Variants in GLIS3 observed in about 807,000 individuals in gnomAD.
GLIS3 encodes GLIS family zinc finger 3, also known as zinc finger protein GLIS3.
GLIS3 carries 53 observed loss-of-function variants against 78.6 expected under a neutral mutation model. The observed-to-expected ratio is 0.67, with a 90% confidence interval of 0.54 to 0.85. GLIS3 has a LOEUF of 0.85. GLIS3 is among the 40% of genes least tolerant of loss of function. The pLI, the probability that GLIS3 is intolerant of heterozygous loss-of-function variation, is 0.00. For missense variants in GLIS3, 1,703 were observed against 1,231.1 expected, an observed-to-expected ratio of 1.38 and a Z score of -5.74; for synonymous variants, 684 against 509.9, an observed-to-expected ratio of 1.34 and a Z score of -4.60.
At chr9:4,182,286 G>A (rs1434009577) in intron 2 of GLIS3, among the ~76,000 whole-genome samples, 4 of 152,158 alleles carry the variant, frequency 2.6e-5, no homozygotes, top group Non-Finnish European at 2.9e-5. Context: ...TTCAGATGGG[G>A]CATGTATTCT....
intron 4 of GLIS3, among the ~76,000 whole-genome samples, chr9:4,050,142 T>C (rs1316264513): frequency 6.6e-6 from 1 of 151,426 alleles, no homozygotes; most frequent in Non-Finnish European, 1.5e-5. Context: ...TAAAGACACA[T>C]GCACACGTAT....
chr9:4,318,262 C>G lies in GLIS3; in HGVS notation n.265-7734G>C, dbSNP rs74930202. On this transcript the variant is annotated intron_variant and non_coding_transcript_variant, in intron 2 of 4. Transcript: ENST00000471664. The stretch of plus-strand genomic sequence containing the variant: ...GGAATTCGAGGGGCCAGGATGAACC[C>G]ACAAATTTAAAGAAATGTATATCTC... Among the ~76,000 whole-genome samples, 979 of 152,116 alleles carry G rather than the reference C, an allele frequency of 6.4e-3. 7 individuals carry two copies. The highest frequency in any genetic ancestry group is 9.2e-3 in the Non-Finnish European group (627 of 68,000).
At chr9:4,112,150 G>A (rs1053687495) in intron 4 of GLIS3, among the ~76,000 whole-genome samples, 18 of 152,114 alleles carry the variant, frequency 1.2e-4, no homozygotes, top group African/African-American at 4.1e-4. Flanking sequence ...ATGTATACAT[G>A]GTTCAGCACA....
chr9:3,935,154 G>T (rs978372331), intron 5 of GLIS3, among the ~76,000 whole-genome samples: 5 of 152,068 alleles, frequency 3.3e-5, no homozygotes, highest in Non-Finnish European at 5.9e-5. Context: ...AAGGGAACAA[G>T]GACCTAAATT....
intron 4 of GLIS3, among the ~76,000 whole-genome samples, chr9:4,062,804 C>T (rs1317752537): frequency 2.6e-5 from 4 of 152,064 alleles, no homozygotes; most frequent in Admixed American, 2.6e-4. Context: ...TGGCGGGCAC[C>T]TGTAGTCCCA....
At chr9:4,011,890 G>C (rs1822044520) in intron 4 of GLIS3, among the ~76,000 whole-genome samples, 1 of 152,014 alleles carries the variant, frequency 6.6e-6, no homozygotes, top group Admixed American at 6.5e-5. Flanking sequence ...TCTCTTTCCA[G>C]CACTGCTTTC....
At chr9:4,281,000 A>C (rs1158934032) in intron 2 of GLIS3, among the ~76,000 whole-genome samples, 1 of 152,238 alleles carries the variant, frequency 6.6e-6, no homozygotes, top group Non-Finnish European at 1.5e-5. Flanking sequence ...CCCCTAGGCC[A>C]AAAGAAACAC....
At chr9:4,206,517 C>T (rs527639537) in intron 2 of GLIS3, among the ~76,000 whole-genome samples, 36 of 152,320 alleles carry the variant, frequency 2.4e-4, no homozygotes, top group African/African-American at 8.4e-4. Context: ...GAAAATCCCA[C>T]ACAGCCTATG....
intron 2 of GLIS3, among the ~76,000 whole-genome samples, chr9:4,227,893 G>C (rs1339659638): frequency 1.3e-5 from 2 of 152,182 alleles, no homozygotes; most frequent in Non-Finnish European, 2.9e-5. Context: ...AGGGACCCGA[G>C]GGACACAGGC....
intron 4 of GLIS3, among the ~76,000 whole-genome samples, chr9:4,060,104 C>G: frequency 6.6e-6 from 1 of 151,924 alleles, no homozygotes; most frequent in Non-Finnish European, 1.5e-5. Context: ...GCCCTGGTAG[C>G]GCATATCAAG....
chr9:3,955,566 T>G (rs1449195274), intron 4 of GLIS3, among the ~76,000 whole-genome samples: 1 of 152,230 alleles, frequency 6.6e-6, no homozygotes, highest in East Asian at 1.9e-4. Flanking sequence ...AAAGGGGTCA[T>G]GAGCAGTAGT....
the GLIS3 span, among the ~76,000 whole-genome samples, chr9:4,368,445 C>A: frequency 6.6e-6 from 1 of 151,722 alleles, no homozygotes; most frequent in Non-Finnish European, 1.5e-5. Flanking sequence ...CCCGGGTTCA[C>A]GCCCTTCTCT....
chr9:4,330,483 C>T (rs1817668504), intron 2 of GLIS3, among the ~76,000 whole-genome samples: 1 of 152,174 alleles, frequency 6.6e-6, no homozygotes, highest in African/African-American at 2.4e-5. Context: ...AAGACCCAGT[C>T]AGTCAAAGAT....
chr9:4,070,380 A>G (rs1160196446), intron 4 of GLIS3, among the ~76,000 whole-genome samples: 2 of 152,208 alleles, frequency 1.3e-5, no homozygotes. Flanking sequence ...TGTTTGTTAA[A>G]GAAGGTCTCT....
chr9:4,207,697 G>A (rs554836295), intron 2 of GLIS3, among the ~76,000 whole-genome samples: 1 of 152,162 alleles, frequency 6.6e-6, no homozygotes. Flanking sequence ...AAAAGCAGGA[G>A]AGAGAGGATA....
chr9:4,153,953 G>A (rs1431003955), intron 2 of GLIS3, among the ~76,000 whole-genome samples: 1 of 152,210 alleles, frequency 6.6e-6, no homozygotes, highest in Non-Finnish European at 1.5e-5. Flanking sequence ...ACCTAGGACA[G>A]CAGTCATCTG....
chr9:4,100,602 G>C (rs955333188), intron 4 of GLIS3, among the ~76,000 whole-genome samples: 1 of 152,100 alleles, frequency 6.6e-6, no homozygotes, highest in Admixed American at 6.6e-5. Context: ...CAAATTCTGA[G>C]GGCTTTTTTT....
the GLIS3 span, among the ~76,000 whole-genome samples, chr9:4,354,078 C>T: frequency 1.3e-5 from 2 of 151,764 alleles, no homozygotes; most frequent in African/African-American, 2.4e-5. Flanking sequence ...CCTCGTGATC[C>T]GCCTGCCTCA....
intron 2 of GLIS3, among the ~76,000 whole-genome samples, chr9:4,180,071 A>G (rs1002166974): frequency 5.9e-5 from 9 of 152,006 alleles, no homozygotes; most frequent in African/African-American, 2.2e-4. Context: ...AGACTCCGCC[A>G]CCTCTAAGTT....
Sources: gnomAD v4.1 joint callset for allele counts (sites outside exome capture counted in the v4.1 genomes callset) on GRCh38, gnomAD v4.1.1 for gene constraint, MANE v1.5 for transcripts, NCBI Gene and HGNC (gene_info 2026-07-23, HGNC 2026-07-21) for gene names.